Variants in LPP observed in about 807,000 individuals in gnomAD.
LPP encodes lipoma-preferred partner.
In LPP, 38 loss-of-function variants were observed where a neutral mutation model predicts 60.4. The ratio of observed to expected loss-of-function variants is 0.63; its 90% CI spans 0.49 to 0.83. The LOEUF (loss-of-function observed/expected upper bound fraction) is 0.83. Ranked by LOEUF, LPP falls within the 40% of genes least tolerant of loss-of-function variation. The pLI, the probability that LPP is intolerant of heterozygous loss-of-function variation, is 0.00. For missense variants in LPP, 902 were observed against 783.6 expected (o/e 1.15, Z -1.80); for synonymous variants, 328 against 290.8 (o/e 1.13, Z -1.30).
intron 9 of LPP, among the ~76,000 whole-genome samples, chr3:188,823,727 A>G (rs1292176879): frequency 2.0e-5 from 3 of 152,188 alleles, no homozygotes; most frequent in Non-Finnish European, 4.4e-5. Context: ...TAAAGATTCT[A>G]TTGGAGGTTT....
chr3:188,530,237 G>T (rs1292558756), intron 6 of LPP, among the ~76,000 whole-genome samples: 2 of 152,208 alleles, frequency 1.3e-5, no homozygotes, highest in African/African-American at 4.8e-5. Context: ...TTTACAGGGG[G>T]ATAGCAACAG....
At chr3:188,823,080 C>G (rs896363364) in intron 9 of LPP, among the ~76,000 whole-genome samples, 6 of 152,084 alleles carry the variant, frequency 3.9e-5, no homozygotes, top group African/African-American at 1.4e-4. Flanking sequence ...AGAATTCCAG[C>G]CAATCTGTGA....
chr3:188,724,373 G>A (rs1035543471), intron 8 of LPP, among the ~76,000 whole-genome samples: 6 of 152,120 alleles, frequency 3.9e-5, no homozygotes, highest in Non-Finnish European at 8.8e-5. Context: ...TGACTTTTCT[G>A]GTAAATCCTA....
chr3:188,855,648 G>A (rs1763664276), intron 9 of LPP, among the ~76,000 whole-genome samples: 1 of 152,118 alleles, frequency 6.6e-6, no homozygotes. Context: ...CCTTCTCTGT[G>A]CCCCAGGCAT....
chr3:188,497,010 A>ATTTT lies in LPP; in HGVS notation c.306+12314_306+12317dup, dbSNP rs5855203. ...CTAGTGGAAAAAAAGTTTCTGTGGC[A>ATTTT]TTTTTTTTTTTAAGGAATACAGGAT... On this transcript the variant is annotated intron_variant, in intron 5 of 11. Transcript: ENST00000617246. Among the ~76,000 whole-genome samples, 186 of 148,872 alleles carry ATTTT rather than the reference A, an allele frequency of 1.2e-3. 2 individuals carry two copies. The highest frequency in any genetic ancestry group is 4.4e-3 in the African/African-American group (179 of 40,740).
At chr3:188,325,575 G>A (rs1285147927) in intron 2 of LPP, among the ~76,000 whole-genome samples, 5 of 152,028 alleles carry the variant, frequency 3.3e-5, no homozygotes, top group Non-Finnish European at 5.9e-5. Context: ...TGATTACCAT[G>A]CTTTTGTTTT....
intron 7 of LPP, among the ~76,000 whole-genome samples, chr3:188,616,067 C>T (rs757057224): frequency 6.6e-6 from 1 of 152,132 alleles, no homozygotes; most frequent in Admixed American, 6.5e-5. Flanking sequence ...GTTTCTTTTG[C>T]AAAAGCTCTT....
At position 188,367,736 on chromosome 3, in the gene LPP, A is replaced by C. The variant is rs527639751; in HGVS notation, c.-10+26017A>C. On this transcript the variant is annotated intron_variant, in intron 3 of 11. Transcript: ENST00000617246. ...GGGACTCTTGCTATTATTTCCACCC[A>C]TTGTGGAGATTCTTGATGCATCCCC... Among the ~76,000 whole-genome samples the C allele has an allele frequency of 1.4e-4, 21 of 152,310 alleles. No homozygotes were observed. The East Asian group carries it at 4.1e-3, about 29-fold the overall frequency.
intron 8 of LPP, among the ~76,000 whole-genome samples, chr3:188,745,415 T>G (rs1336752416): frequency 6.6e-6 from 1 of 152,184 alleles, no homozygotes; most frequent in Non-Finnish European, 1.5e-5. Context: ...ACATAAGTCA[T>G]TCCTGTATTC....
At chr3:188,308,334 A>T (rs1752190601) in intron 2 of LPP, among the ~76,000 whole-genome samples, 1 of 152,180 alleles carries the variant, frequency 6.6e-6, no homozygotes, top group Non-Finnish European at 1.5e-5. Context: ...AACTGTCTAT[A>T]ACTCTGCTTC....
chr3:188,360,694 G>C (rs1428002853), intron 3 of LPP, among the ~76,000 whole-genome samples: 7 of 152,044 alleles, frequency 4.6e-5, no homozygotes, highest in Non-Finnish European at 7.4e-5. Flanking sequence ...GATCTCAGAA[G>C]CTCCATCATC....
intron 1 of LPP, among the ~76,000 whole-genome samples, chr3:188,188,757 A>G (rs1407069088): frequency 6.6e-6 from 1 of 152,194 alleles, no homozygotes; most frequent in African/African-American, 2.4e-5. Context: ...TGTATTGAAG[A>G]TGCTGCATCA....
At chr3:188,185,420 A>G (rs1360019802) in intron 1 of LPP, among the ~76,000 whole-genome samples, 1 of 150,578 alleles carries the variant, frequency 6.6e-6, no homozygotes, top group Non-Finnish European at 1.5e-5. Flanking sequence ...TTCCCCCTAT[A>G]TACCCCACAG....
chr3:188,449,176 C>A (rs560545507), intron 4 of LPP, among the ~76,000 whole-genome samples: 1 of 152,214 alleles, frequency 6.6e-6, no homozygotes, highest in African/African-American at 2.4e-5. Flanking sequence ...TATTTCTGCT[C>A]TTTCTCCCTT....
chr3:188,346,957 T>C (rs1371457040), intron 3 of LPP, among the ~76,000 whole-genome samples: 1 of 152,212 alleles, frequency 6.6e-6, no homozygotes, highest in East Asian at 1.9e-4. Flanking sequence ...GAAACTCTTA[T>C]TCTACTTCAT....
At chr3:188,696,683 C>T (rs2149528978) in intron 7 of LPP, among the ~76,000 whole-genome samples, 1 of 152,284 alleles carries the variant, frequency 6.6e-6, no homozygotes, top group African/African-American at 2.4e-5. Flanking sequence ...CTGGATCATA[C>T]AATTGGTAAG....
At chr3:188,631,212 G>A (rs116007783) in intron 7 of LPP, among the ~76,000 whole-genome samples, 1,621 of 151,798 alleles carry the variant, frequency 0.011, 23 homozygotes, top group African/African-American at 0.037. Flanking sequence ...TTTATACTTA[G>A]AAAAAAAATT....
At chr3:188,681,789 C>T (rs991148268) in intron 7 of LPP, among the ~76,000 whole-genome samples, 3 of 152,190 alleles carry the variant, frequency 2.0e-5, no homozygotes, top group African/African-American at 7.2e-5. Flanking sequence ...AATTCTTTCA[C>T]ATCTATTTTC....
chr3:188,644,373 A>G (rs1850726553), intron 7 of LPP, among the ~76,000 whole-genome samples: 2 of 152,182 alleles, frequency 1.3e-5, no homozygotes, highest in Admixed American at 1.3e-4. Flanking sequence ...AGAAGCTTAA[A>G]TATTGATCCA....
Sources: gnomAD v4.1 joint callset for allele counts (sites outside exome capture counted in the v4.1 genomes callset) on GRCh38, gnomAD v4.1.1 for gene constraint, MANE v1.5 for transcripts, NCBI Gene and HGNC (gene_info 2026-07-23, HGNC 2026-07-21) for gene names.